RCN1: variants seen among roughly 807,000 people sequenced by gnomAD.
RCN1 encodes reticulocalbin-1.
RCN1 carries 14 observed loss-of-function variants against 34.7 expected under a neutral mutation model. That is an observed-to-expected ratio of 0.40 (90% CI 0.27 to 0.63). The LOEUF (loss-of-function observed/expected upper bound fraction) is 0.63. Ranked by LOEUF, RCN1 falls within the 30% of genes least tolerant of loss-of-function variation. RCN1 has a pLI of 0.37. For missense variants in RCN1, 326 were observed against 425.1 expected, an observed-to-expected ratio of 0.77 and a Z score of 2.05; for synonymous variants, 125 against 165.5, an observed-to-expected ratio of 0.76 and a Z score of 1.88.
At chr11:32,091,665 G>C (rs1565349167) in intron 1 of RCN1, 3 of 590,004 alleles carry the variant, frequency 5.1e-6, no homozygotes, top group Admixed American at 4.2e-5. Flanking sequence ...CGCCCCGGCC[G>C]GGGTGGTTTC....
intron 2 of RCN1, 97 bp downstream of exon 2, chr11:32,097,434 A>T (rs1851985968): frequency 1.2e-6 from 1 of 821,464 alleles, no homozygotes; most frequent in Admixed American, 3.6e-5. Context: ...CCCTTCAGGG[A>T]GATGTCACAG....
chr11:32,101,037 A>G (rs1254019421), intron 4 of RCN1, among the ~76,000 whole-genome samples: 1 of 152,236 alleles, frequency 6.6e-6, no homozygotes, highest in Non-Finnish European at 1.5e-5. Context: ...GATTAACAGA[A>G]CTGTTTATGT....
chr11:32,098,931 C>T (rs898940409), intron 3 of RCN1, among the ~76,000 whole-genome samples: 10 of 152,130 alleles, frequency 6.6e-5, no homozygotes, highest in African/African-American at 1.4e-4. Context: ...TTTACTCTTC[C>T]GGCCAGGGAA....
intron 1 of RCN1, among the ~76,000 whole-genome samples, chr11:32,095,466 G>A (rs1452359316): frequency 6.6e-6 from 1 of 151,940 alleles, no homozygotes; most frequent in Non-Finnish European, 1.5e-5. Context: ...GGAGTGCAGT[G>A]GCGTGATCTC....
chr11:32,097,119 C>CTTTTTT, intron 1 of RCN1, 25 bp from the exon 2 acceptor site: 3 of 1,305,952 alleles, frequency 2.3e-6, no homozygotes, highest in Non-Finnish European at 3.0e-6. Context: ...GTGTGGGTTT[C>CTTTTTT]TTTTTTTTTT....
At chr11:32,100,706 C>T (rs79822128) in intron 4 of RCN1, 98 bp downstream of exon 4, 29 of 921,932 alleles carry the variant, frequency 3.1e-5, no homozygotes, top group Middle Eastern at 2.4e-4. Context: ...CTTTTAGCAA[C>T]AGCTGCAAGT....
In RCN1 at chr11:32,098,629, A is replaced by G. The variant is rs544525170; in HGVS notation, c.627+101A>G. 351 of 963,450 alleles carry G rather than the reference A, an allele frequency of 3.6e-4. No individual in the cohort carries two copies. In the African/African-American group the frequency reaches 4.2e-3, roughly 11 times the overall value. 59.7% of individuals were successfully genotyped at this position (963,450 alleles called of 1,614,324 possible). On this transcript the variant is annotated intron_variant, in intron 3 of 5. Transcript: ENST00000054950. ...GAGAAGATTTTTCAGCCTGAAGGGA[A>G]TTGGAGAAGGACTCTGAAGTAGAGT...
intron 1 of RCN1, among the ~76,000 whole-genome samples, chr11:32,096,221 G>A (rs1383126352): frequency 6.6e-6 from 1 of 152,190 alleles, no homozygotes; most frequent in African/African-American, 2.4e-5. Context: ...GACTACAAGG[G>A]TGAAACTTTT....
intron 1 of RCN1, among the ~76,000 whole-genome samples, chr11:32,094,324 A>G (rs757511574): frequency 3.3e-5 from 5 of 152,238 alleles, no homozygotes; most frequent in Non-Finnish European, 7.3e-5. Context: ...GCATGCATTC[A>G]TAAATATGCG....
intron 1 of RCN1, among the ~76,000 whole-genome samples, chr11:32,096,203 G>A (rs572103874): frequency 2.0e-5 from 3 of 152,332 alleles, no homozygotes; most frequent in Admixed American, 2.0e-4. Flanking sequence ...CCTCCTCCCA[G>A]ATAAATGGAC....
chr11:32,094,491 G>A (rs960089445), intron 1 of RCN1, among the ~76,000 whole-genome samples: 3 of 152,174 alleles, frequency 2.0e-5, no homozygotes, highest in African/African-American at 7.2e-5. Context: ...GTACCTCCAA[G>A]TGGCCATAGG....
intron 3 of RCN1, 113 bp from the exon 4 acceptor site, chr11:32,100,435 C>A: frequency 1.2e-6 from 1 of 838,956 alleles, no homozygotes; most frequent in Non-Finnish European, 2.0e-6. Flanking sequence ...GGCGATGAGC[C>A]AGAAGTCACC....
chr11:32,091,695 T>G, intron 1 of RCN1: 5 of 481,000 alleles, frequency 1.0e-5, no homozygotes, highest in East Asian at 8.1e-5. Flanking sequence ...GGCGAGAACG[T>G]GGCAGCGGCC....
At position 32,091,364 on chromosome 11, in the gene RCN1, C is replaced by G. The variant is rs145095137; in HGVS notation, c.168C>G (p.Phe56Leu). 2.6e-6 allele frequency: 4 copies of G among 1,549,680 alleles called. No individual in the cohort carries two copies. In the African/African-American group the frequency reaches 5.5e-5, roughly 21 times the overall value. Residue 56 changes from phenylalanine (F) to leucine (L), a missense_variant, in exon 1 of 6, where the codon TTC (phenylalanine) becomes TTG (leucine). Physicochemically the swap from Phe to Leu is conservative, Grantham distance 22. Coordinates refer to ENST00000054950, the MANE Select transcript of RCN1 (RefSeq NM_002901.4). ...GGCCCCCTGAGGACAACCAGAGCTTCCAGTACGACCACGAGGCCTTCCTGG... is the reference window on the plus strand; with the variant it reads ...GGCCCCCTGAGGACAACCAGAGCTTGCAGTACGACCACGAGGCCTTCCTGG... ...GERPPEDNQSFQYDHEAFLGK... is the reference protein window; with the variant it reads ...GERPPEDNQSLQYDHEAFLGK...
chr11:32,103,195 C>A, intron 4 of RCN1, 86 bp from the exon 5 acceptor site: 1 of 1,231,012 alleles, frequency 8.1e-7, no homozygotes, highest in Non-Finnish European at 1.2e-6. Flanking sequence ...TTTCCTAAAG[C>A]TCAGGAGGTC....
chr11:32,095,246 C>CTT (rs11454746), intron 1 of RCN1, among the ~76,000 whole-genome samples: 20,688 of 145,558 alleles, frequency 0.14, 1,508 homozygotes, highest in East Asian at 0.28. Flanking sequence ...ATGTTTTAGT[C>CTT]TTTTTTTTTT....
rs1852086648 is a variant in RCN1, at chr11:32,104,583, A to G, written c.*111A>G. ...TTGTGATCCCACAAAAAGCAAGTTT[A>G]TACCTCAGATTGGGGTATAAAAATT... is the stretch of plus-strand genomic sequence containing the variant. On this transcript the variant is annotated 3_prime_UTR_variant, in exon 6 of 6. Coordinates refer to ENST00000054950, the MANE Select transcript of RCN1 (RefSeq NM_002901.4). 1 of 643,366 alleles carries G rather than the reference A, an allele frequency of 1.6e-6. No homozygotes were observed. Among genetic ancestry groups the G allele is most frequent in the Non-Finnish European group, 2.8e-6 (1 of 362,466 alleles). The allele number at this position is 643,366 out of a possible 1,614,324, so 39.9% of individuals were successfully genotyped here.
At chr11:32,100,035 G>A (rs223066) in intron 3 of RCN1, among the ~76,000 whole-genome samples, 21,527 of 152,160 alleles carry the variant, frequency 0.14, 1,609 homozygotes, top group East Asian at 0.29. Context: ...AAAAAATACT[G>A]AATAAGAGGT....
In RCN1 at chr11:32,098,302, T is replaced by A. The variant is rs776569550; in HGVS notation, c.449-48T>A. On this transcript the variant is annotated intron_variant, in intron 2 of 5. Transcript: ENST00000054950. Reference sequence around the variant, plus strand: ...TGAGTGATCTGGCAGGAAACGCCTTTCTTGACCGCACGGTTTAAAAACATT... The same window carrying A: ...TGAGTGATCTGGCAGGAAACGCCTTACTTGACCGCACGGTTTAAAAACATT... The A allele has an allele frequency of 5.8e-6, 9 of 1,543,342 alleles. No individual in the cohort carries two copies. In the Admixed American group the frequency reaches 1.7e-4, roughly 30 times the overall value.
Sources: gnomAD v4.1 joint callset for allele counts (sites outside exome capture counted in the v4.1 genomes callset) on GRCh38, gnomAD v4.1.1 for gene constraint, MANE v1.5 for transcripts, NCBI Gene and HGNC (gene_info 2026-07-23, HGNC 2026-07-21) for gene names.